The following PKHD1 variants were observed in gnomAD, a reference collection of about 807,000 sequenced individuals.
The protein encoded by PKHD1 is PKHD1 ciliary IPT domain containing fibrocystin/polyductin, also known as fibrocystin.
A neutral mutation model predicts 412.0 loss-of-function variants in PKHD1; 291 were observed. The observed-to-expected ratio is 0.71, with a 90% CI of 0.64 to 0.78. PKHD1 has a LOEUF of 0.78. Ranked by LOEUF, PKHD1 falls within the 30% of genes least tolerant of loss-of-function variation. PKHD1 has a pLI of 0.00. For synonymous variants in PKHD1, 1,777 were observed against 1,821.5 expected, an observed-to-expected ratio of 0.98 and a Z score of 0.62; for missense variants, 4,825 against 4,950.7, an observed-to-expected ratio of 0.97 and a Z score of 0.76.
chr6:51,985,236 T>C (rs1796062258), intron 35 of PKHD1, among the ~76,000 whole-genome samples: 1 of 152,256 alleles, frequency 6.6e-6, no homozygotes, highest in Non-Finnish European at 1.5e-5. Flanking sequence ...ATGTGGAAGA[T>C]GTCTGTTGCA....
chr6:52,026,429 T>A (rs1318514763), intron 31 of PKHD1, among the ~76,000 whole-genome samples: 1 of 152,168 alleles, frequency 6.6e-6, no homozygotes, highest in Non-Finnish European at 1.5e-5. Context: ...CAACACAAAC[T>A]TTTCAAGTAC....
intron 43 of PKHD1, among the ~76,000 whole-genome samples, chr6:51,890,716 T>C (rs1439950839): frequency 6.6e-6 from 1 of 152,198 alleles, no homozygotes; most frequent in East Asian, 1.9e-4. Flanking sequence ...GAAAAAAGCA[T>C]GCACAGCTTA....
intron 36 of PKHD1, among the ~76,000 whole-genome samples, chr6:51,953,163 A>C (rs1372823714): frequency 1.3e-5 from 2 of 152,134 alleles, no homozygotes; most frequent in Non-Finnish European, 2.9e-5. Flanking sequence ...TTTTGACTAC[A>C]AAAGAGGGCA....
Position 52,054,034 on chromosome 6 carries a change from C to G in PKHD1, c.1964+4G>C. On this transcript the variant is annotated splice_donor_region_variant and intron_variant, in intron 20 of 66. Transcript: ENST00000371117. Reference sequence around the variant, plus strand: ...CCCACCACGCCTCCCCACCGATTAGCTACCTCTCGGGGCTGGTCCTCGTGA... The same window carrying G: ...CCCACCACGCCTCCCCACCGATTAGGTACCTCTCGGGGCTGGTCCTCGTGA... 1 of 1,613,872 alleles carries G rather than the reference C, an allele frequency of 6.2e-7. No homozygotes were observed. The highest frequency in any genetic ancestry group is 8.5e-7 in the Non-Finnish European group (1 of 1,179,820).
intron 52 of PKHD1, among the ~76,000 whole-genome samples, chr6:51,819,971 T>C (rs1766110225): frequency 6.6e-6 from 1 of 152,116 alleles, no homozygotes; most frequent in Non-Finnish European, 1.5e-5. Context: ...AAAAATAAAA[T>C]AGGAGATTTT....
intron 60 of PKHD1, among the ~76,000 whole-genome samples, chr6:51,676,878 T>C (rs1562082251): frequency 6.6e-6 from 1 of 152,136 alleles, no homozygotes; most frequent in Non-Finnish European, 1.5e-5. Context: ...AAATCATTTG[T>C]TTAAACTTCA....
chr6:51,905,742 T>G (rs1013859919), intron 41 of PKHD1, among the ~76,000 whole-genome samples: 6 of 152,154 alleles, frequency 3.9e-5, no homozygotes, highest in African/African-American at 1.4e-4. Flanking sequence ...TTCTGAGTTT[T>G]GCAAGGGGAA....
chr6:51,665,748 T>C (rs1773650619), intron 60 of PKHD1, among the ~76,000 whole-genome samples: 1 of 152,146 alleles, frequency 6.6e-6, no homozygotes, highest in Admixed American at 6.6e-5. Context: ...TGAAGTGCTG[T>C]AGATAAGACA....
At position 51,746,764 on chromosome 6, in the gene PKHD1, T is replaced by G; in HGVS notation, c.9955A>C (p.Ile3319Leu). The change falls in exon 59 of 67, where the codon ATA (isoleucine) becomes CTA (leucine). Residue 3319 changes from isoleucine (I) to leucine (L), a missense_variant. By Grantham distance (5) the Ile-to-Leu change is conservative. Coordinates refer to ENST00000371117, the MANE Select transcript of PKHD1 (RefSeq NM_138694.4). ...AAGTAGAACTTGTTTTTATCTTTTATCTTTAGCATCCTGGTCCTCTCTGCT... is the reference window on the plus strand; with the variant it reads ...AAGTAGAACTTGTTTTTATCTTTTAGCTTTAGCATCCTGGTCCTCTCTGCT... ...ITAERTRMLK[I>L]KDKNKFYFPS... 6.2e-7 allele frequency: 1 copy of G among 1,611,272 alleles called. No individual in the cohort carries two copies. The highest frequency in any genetic ancestry group is 8.5e-7 in the Non-Finnish European group (1 of 1,177,558).
At chr6:51,960,070 G>T (rs777419772) in intron 35 of PKHD1, 44 bp from the exon 36 acceptor site, 3 of 1,602,280 alleles carry the variant, frequency 1.9e-6, no homozygotes, top group South Asian at 2.2e-5. Context: ...TGGTTGGTTG[G>T]CTGGTCTGTT....
chr6:51,809,941 A>G (rs1267124246), intron 52 of PKHD1, among the ~76,000 whole-genome samples: 1 of 150,426 alleles, frequency 6.6e-6, no homozygotes, highest in African/African-American at 2.4e-5. Context: ...TTTCTATCCT[A>G]TTTTTTTCAT....
intron 48 of PKHD1, among the ~76,000 whole-genome samples, chr6:51,862,688 G>A (rs917576901): frequency 6.6e-6 from 1 of 152,130 alleles, no homozygotes; most frequent in Non-Finnish European, 1.5e-5. Flanking sequence ...CTACAGGAGA[G>A]GATATTAAGC....
intron 37 of PKHD1, among the ~76,000 whole-genome samples, chr6:51,919,894 T>C (rs2127704117): frequency 6.6e-6 from 1 of 152,360 alleles, no homozygotes; most frequent in East Asian, 1.9e-4. Context: ...TTTGAAGCAA[T>C]TGTGAATGGG....
chr6:52,042,452 G>A, intron 27 of PKHD1, among the ~76,000 whole-genome samples: 1 of 152,168 alleles, frequency 6.6e-6, no homozygotes, highest in East Asian at 1.9e-4. Flanking sequence ...AGAAAGTCAT[G>A]GAGAAATATT....
intron 60 of PKHD1, among the ~76,000 whole-genome samples, chr6:51,678,450 A>G (rs1036843736): frequency 1.3e-5 from 2 of 152,134 alleles, no homozygotes; most frequent in Non-Finnish European, 2.9e-5. Flanking sequence ...ATCTCAAACC[A>G]GTGTTTGTCT....
chr6:51,774,852 G>C (rs1790737691), intron 54 of PKHD1, among the ~76,000 whole-genome samples: 1 of 151,640 alleles, frequency 6.6e-6, no homozygotes, highest in Non-Finnish European at 1.5e-5. Flanking sequence ...GCATCTAAGG[G>C]AGAATCCAAG....
intron 60 of PKHD1, among the ~76,000 whole-genome samples, chr6:51,668,288 T>C (rs1581953588): frequency 6.6e-6 from 1 of 152,320 alleles, no homozygotes; most frequent in Non-Finnish European, 1.5e-5. Context: ...TTCCTAGGTA[T>C]TTTATTCTCT....
At chr6:52,062,901 A>C (rs1395150121) in intron 13 of PKHD1, among the ~76,000 whole-genome samples, 1 of 152,168 alleles carries the variant, frequency 6.6e-6, no homozygotes, top group Non-Finnish European at 1.5e-5. Flanking sequence ...GAGTTCCTAG[A>C]AAAGAGAATC....
chr6:52,028,916 G>A (rs1262772231), intron 29 of PKHD1, among the ~76,000 whole-genome samples: 1 of 152,202 alleles, frequency 6.6e-6, no homozygotes, highest in Non-Finnish European at 1.5e-5. Context: ...TCCATGCAAA[G>A]GCAAATCAAG....
Sources: allele counts gnomAD v4.1 joint callset (sites outside exome capture counted in the v4.1 genomes callset), GRCh38; gene constraint gnomAD v4.1.1; transcripts MANE v1.5; gene names NCBI Gene and HGNC (gene_info 2026-07-23, HGNC 2026-07-21).